Variants in STK32B observed in about 807,000 individuals in gnomAD.
STK32B encodes the protein serine/threonine-protein kinase 32B.
STK32B carries 43 observed loss-of-function variants against 52.6 expected under a neutral mutation model. The observed-to-expected ratio is 0.82, with a 90% CI of 0.64 to 1.05. The LOEUF (loss-of-function observed/expected upper bound fraction) is 1.05, where lower values mean the gene tolerates loss of function less well. STK32B is among the 50% of genes least tolerant of loss of function. The pLI, the probability that STK32B is intolerant of heterozygous loss-of-function variation, is 0.00. For missense variants in STK32B, 621 were observed against 534.6 expected (o/e 1.16, Z -1.59); for synonymous variants, 238 against 204.3 (o/e 1.17, Z -1.41).
intron 2 of STK32B, among the ~76,000 whole-genome samples, chr4:5,167,965 G>T (rs1310139617): frequency 6.6e-6 from 1 of 152,212 alleles, no homozygotes; most frequent in African/African-American, 2.4e-5. Flanking sequence ...TATAGTCACT[G>T]GTGCTTTTTG....
intron 3 of STK32B, among the ~76,000 whole-genome samples, chr4:5,288,113 T>A (rs1728666543): frequency 6.6e-6 from 1 of 152,240 alleles, no homozygotes; most frequent in Non-Finnish European, 1.5e-5. Flanking sequence ...GGTCAAATAA[T>A]CTTCCGTTTT....
intron 3 of STK32B, among the ~76,000 whole-genome samples, chr4:5,195,847 G>C (rs1388216156): frequency 6.6e-6 from 1 of 152,164 alleles, no homozygotes. Context: ...TTATGGACTT[G>C]ACCTTTTTAT....
At chr4:5,095,770 T>A (rs1325060514) in intron 1 of STK32B, among the ~76,000 whole-genome samples, 1 of 152,250 alleles carries the variant, frequency 6.6e-6, no homozygotes, top group East Asian at 1.9e-4. Flanking sequence ...GATTGTGTGA[T>A]TAGAAGTCTC....
At chr4:5,038,710 G>C in the STK32B span, among the ~76,000 whole-genome samples, 2 of 152,214 alleles carry the variant, frequency 1.3e-5, no homozygotes, top group Non-Finnish European at 2.9e-5. Context: ...GGAGCTTGCA[G>C]GACTGGAGAG....
At chr4:5,327,080 A>G (rs1271352689) in intron 3 of STK32B, among the ~76,000 whole-genome samples, 1 of 151,616 alleles carries the variant, frequency 6.6e-6, no homozygotes, top group Non-Finnish European at 1.5e-5. Flanking sequence ...AAACAACTCA[A>G]CTCCTCATCT....
At chr4:5,401,918 G>C (rs116379930) in intron 5 of STK32B, among the ~76,000 whole-genome samples, 1 of 152,202 alleles carries the variant, frequency 6.6e-6, no homozygotes, top group African/African-American at 2.4e-5. Context: ...CCAAGGTTGG[G>C]TAGGCAGGAC....
At chr4:5,087,295 A>G (rs1351345368) in intron 1 of STK32B, among the ~76,000 whole-genome samples, 2 of 152,056 alleles carry the variant, frequency 1.3e-5, no homozygotes, top group Non-Finnish European at 2.9e-5. Context: ...ACAAAAAATA[A>G]TAATGTATAT....
chr4:5,081,671 G>A (rs1346088558), intron 1 of STK32B, among the ~76,000 whole-genome samples: 1 of 151,732 alleles, frequency 6.6e-6, no homozygotes, highest in Non-Finnish European at 1.5e-5. Context: ...TGTTGCTGTT[G>A]TCTGTTGTGT....
At chr4:5,421,745 G>A (rs960486528) in intron 6 of STK32B, among the ~76,000 whole-genome samples, 1 of 152,208 alleles carries the variant, frequency 6.6e-6, no homozygotes, top group Non-Finnish European at 1.5e-5. Context: ...GCTTTCAAAA[G>A]GGAGAAGAAA....
chr4:5,231,305 G>A (rs1345043957), intron 3 of STK32B, among the ~76,000 whole-genome samples: 1 of 151,982 alleles, frequency 6.6e-6, no homozygotes, highest in Non-Finnish European at 1.5e-5. Context: ...ATGAATGGAT[G>A]GACTTGACTT....
At chr4:5,364,590 T>G (rs1016493921) in intron 4 of STK32B, among the ~76,000 whole-genome samples, 4 of 152,202 alleles carry the variant, frequency 2.6e-5, no homozygotes, top group African/African-American at 7.2e-5. Flanking sequence ...TTCTGATTGG[T>G]TCTGCCTGAG....
chr4:5,117,677 A>AT (rs1418912583), intron 1 of STK32B, among the ~76,000 whole-genome samples: 1 of 151,888 alleles, frequency 6.6e-6, no homozygotes, highest in East Asian at 1.9e-4. Flanking sequence ...TGCTCCAAAT[A>AT]TTTTTTTCTA....
chr4:5,139,165 T>C (rs193250703), intron 1 of STK32B, among the ~76,000 whole-genome samples: 14 of 152,220 alleles, frequency 9.2e-5, no homozygotes, highest in Admixed American at 7.2e-4. Flanking sequence ...AACATGGAGC[T>C]ACCTGATGAA....
intron 1 of STK32B, among the ~76,000 whole-genome samples, chr4:5,093,735 T>G (rs1045885789): frequency 7.2e-5 from 11 of 152,236 alleles, no homozygotes; most frequent in African/African-American, 2.7e-4. Flanking sequence ...CATGTGATGC[T>G]AATAATCTCC....
intron 3 of STK32B, among the ~76,000 whole-genome samples, chr4:5,323,769 G>T (rs1022299689): frequency 5.9e-5 from 9 of 152,160 alleles, no homozygotes; most frequent in African/African-American, 2.2e-4. Context: ...TGCAGGGGAT[G>T]GTGCTGAATT....
At chr4:5,220,052 G>A (rs1282908262) in intron 3 of STK32B, among the ~76,000 whole-genome samples, 2 of 152,130 alleles carry the variant, frequency 1.3e-5, no homozygotes, top group African/African-American at 4.8e-5. Flanking sequence ...ACACACTAAA[G>A]CTTTTAATTT....
intron 4 of STK32B, among the ~76,000 whole-genome samples, chr4:5,376,131 G>A (rs1228372733): frequency 6.6e-6 from 1 of 152,178 alleles, no homozygotes; most frequent in Non-Finnish European, 1.5e-5. Context: ...CTGTGGGGGT[G>A]CTCTGCTTTG....
intron 6 of STK32B, among the ~76,000 whole-genome samples, chr4:5,434,452 G>A (rs7440829): frequency 0.013 from 1,810 of 143,098 alleles, 37 homozygotes; most frequent in African/African-American, 0.042. Context: ...GTGTGTGTGT[G>A]TGTATATATA....
At chr4:5,341,488 A>G (rs1028781638) in intron 4 of STK32B, among the ~76,000 whole-genome samples, 7 of 152,174 alleles carry the variant, frequency 4.6e-5, no homozygotes, top group Non-Finnish European at 7.3e-5. Flanking sequence ...TTTATTCCTC[A>G]TCACATACTT....
Sources: allele counts gnomAD v4.1 joint callset (sites outside exome capture counted in the v4.1 genomes callset), GRCh38; gene constraint gnomAD v4.1.1; transcripts MANE v1.5; gene names NCBI Gene and HGNC (gene_info 2026-07-23, HGNC 2026-07-21).